Variants in SIGLEC10 observed in about 807,000 individuals in gnomAD.
The protein encoded by SIGLEC10 is sialic acid binding Ig like lectin 10.
In SIGLEC10, 45 loss-of-function variants were observed where a neutral mutation model predicts 68.3. The ratio of observed to expected loss-of-function variants is 0.66; its 90% CI spans 0.52 to 0.84. The LOEUF is 0.84. Among genes scored for constraint, SIGLEC10 ranks in the 40% least tolerant of loss-of-function variants. The pLI, the probability that SIGLEC10 is intolerant of heterozygous loss-of-function variation, is 0.00. For synonymous variants in SIGLEC10, 379 were observed against 370.8 expected (o/e 1.02, Z -0.26); for missense variants, 789 against 883.1 (o/e 0.89, Z 1.35).
rs1261969859 is a variant in SIGLEC10, at chr19:51,410,055, A to G, written c.*1044T>C. 1.3e-5 allele frequency: 2 copies of G among 152,194 alleles called. No homozygotes were observed. The highest frequency in any genetic ancestry group is 2.9e-5 in the Non-Finnish European group (2 of 68,038). The allele number at this position is 152,194 out of a possible 1,614,324, so 9.4% of individuals were successfully genotyped here. A position where few individuals can be genotyped will look rare whatever the true frequency, so the allele number is the denominator to read the frequency against. Reference sequence around the variant, plus strand: ...AGCAAGTTTATTAAGAAAGTAAAGGAACAAAAGAATGGCTACTCCATAGAC... The same window carrying G: ...AGCAAGTTTATTAAGAAAGTAAAGGGACAAAAGAATGGCTACTCCATAGAC... On this transcript the variant is annotated 3_prime_UTR_variant, in exon 11 of 11. Coordinates refer to ENST00000339313, the MANE Select transcript of SIGLEC10 (RefSeq NM_033130.5).
intron 5 of SIGLEC10, 33 bp downstream of exon 5, chr19:51,415,865 A>C (rs1234937988): frequency 6.2e-7 from 1 of 1,611,592 alleles, no homozygotes; most frequent in Non-Finnish European, 8.5e-7. Context: ...CTGCCCTCCC[A>C]ATGGACTCCA....
chr19:51,414,249 A>G lies in SIGLEC10; in HGVS notation c.1709+173T>C. The G allele has an allele frequency of 1.6e-6, 1 of 625,660 alleles. No individual in the cohort carries two copies. Among genetic ancestry groups the G allele is most frequent in the Non-Finnish European group, 2.8e-6 (1 of 356,108 alleles). The allele number at this position is 625,660 out of a possible 1,614,324, so 38.8% of individuals were successfully genotyped here. A position where few individuals can be genotyped will look rare whatever the true frequency, so the allele number is the denominator to read the frequency against. On this transcript the variant is annotated intron_variant, in intron 9 of 10. Transcript: ENST00000339313. The surrounding 1 kb of genome is among the most constrained non-coding windows in gnomAD (Gnocchi z 4.1). ...CCTCAGCATTCCCTCTGGGAAGCAG[A>G]CGCAGTTTGTCAGTTGGACAACATT...
rs1326161830 is a variant in SIGLEC10 at position 51,416,058 on chromosome 19, C to T, written c.864G>A (p.Trp288Ter). 4 of 1,612,794 alleles carry T rather than the reference C, an allele frequency of 2.5e-6. No homozygotes were observed. Among genetic ancestry groups the T allele is most frequent in the Non-Finnish European group, 3.4e-6 (4 of 1,179,802 alleles). Residue 288 changes from tryptophan to a stop codon, truncating the protein, a stop_gained, in exon 5 of 11, where the codon TGG becomes TGA. Transcript: ENST00000339313. LOFTEE classifies it high-confidence loss of function. The stretch of plus-strand genomic sequence containing the variant: ...AGGAGAGGACTCTGTTCTGCAGGAC[C>T]CAGCTCAGTGTGGCAGGGGGCTGGC... ...ADSQPPATLS[W>*]VLQNRVLSSS...
intron 10 of SIGLEC10, among the ~76,000 whole-genome samples, chr19:51,412,775 C>A (rs1418922835): frequency 2.8e-5 from 4 of 141,226 alleles, no homozygotes; most frequent in African/African-American, 1.0e-4. Context: ...CAGGCGTGGC[C>A]TTTTTTTTTT....
chr19:51,417,632 G>T lies in SIGLEC10; in HGVS notation c.-51C>A, dbSNP rs772223489. ...CCTGAGACAGGCCTGTTCTCTGGTC[G>T]TGCTGTGAGTGGCTCAGGGCTCTTG... is the stretch of plus-strand genomic sequence containing the variant. On this transcript the variant is annotated 5_prime_UTR_variant, in exon 1 of 11. Coordinates refer to ENST00000339313, the MANE Select transcript of SIGLEC10 (RefSeq NM_033130.5). The T allele has an allele frequency of 7.5e-6, 12 of 1,610,486 alleles. No individual in the cohort carries two copies. Among genetic ancestry groups the T allele is most frequent in the Non-Finnish European group, 1.0e-5 (12 of 1,178,232 alleles).
In SIGLEC10 at chr19:51,416,058, C is replaced by G; in HGVS notation, c.864G>C (p.Trp288Cys). 2 of 1,612,794 alleles carry G rather than the reference C, an allele frequency of 1.2e-6. No individual in the cohort carries two copies. The highest frequency in any genetic ancestry group is 3.3e-5 in the Admixed American group (2 of 59,938). ...AGGAGAGGACTCTGTTCTGCAGGAC[C>G]CAGCTCAGTGTGGCAGGGGGCTGGC... ...ADSQPPATLS[W>C]VLQNRVLSSS... is the part of the protein sequence containing the mutation. Residue 288 changes from tryptophan (W) to cysteine (C), a missense_variant, in exon 5 of 11, where the codon TGG becomes TGC. Physicochemically the swap from Trp to Cys is radical, Grantham distance 215. Coordinates refer to ENST00000339313, the MANE Select transcript of SIGLEC10 (RefSeq NM_033130.5).
intron 6 of SIGLEC10, 24 bp from the exon 7 acceptor site, chr19:51,415,462 G>A (rs759737203): frequency 3.7e-5 from 60 of 1,609,904 alleles, no homozygotes; most frequent in Middle Eastern, 1.7e-4. Context: ...AGGCAGAATC[G>A]ATGAGCAGCT....
chr19:51,411,377 G>A lies in SIGLEC10; in HGVS notation c.1822-6C>T. On this transcript the variant is annotated splice_region_variant and splice_polypyrimidine_tract_variant and intron_variant, in intron 10 of 10. Transcript: ENST00000339313. ...TTCTGATTCCGCTTCTGAGCCTGAG[G>A]GAAGAACCACCATCCTTCATTCATT... 8 of 1,613,128 alleles carry A rather than the reference G, an allele frequency of 5.0e-6. No individual in the cohort carries two copies. The highest frequency in any genetic ancestry group is 3.3e-4 in the Middle Eastern group (2 of 6,046).
At position 51,410,787 on chromosome 19, in the gene SIGLEC10, T is replaced by C. The variant is rs887407154; in HGVS notation, c.*312A>G. ...CCTCAGCTTCCCAAGTAGGTAGGATTACAGGCGCCTGCCACCATGCCCAGC... is the reference window on the plus strand; with the variant it reads ...CCTCAGCTTCCCAAGTAGGTAGGATCACAGGCGCCTGCCACCATGCCCAGC... On this transcript the variant is annotated 3_prime_UTR_variant, in exon 11 of 11. Coordinates refer to ENST00000339313, the MANE Select transcript of SIGLEC10 (RefSeq NM_033130.5). The C allele has an allele frequency of 8.8e-6, 2 of 228,306 alleles. No homozygotes were observed. The highest frequency in any genetic ancestry group is 8.7e-6 in the Non-Finnish European group (1 of 114,294). 14.1% of individuals were successfully genotyped at this position (228,306 alleles called of 1,614,324 possible).
At position 51,416,009 on chromosome 19, in the gene SIGLEC10, G is replaced by A; in HGVS notation, c.913C>T (p.Pro305Ser). Residue 305 changes from proline (P) to serine (S), a missense_variant, in exon 5 of 11, where the codon CCC becomes TCC. Coordinates refer to ENST00000339313, the MANE Select transcript of SIGLEC10 (RefSeq NM_033130.5). ...ACCCCGGGCAGCTCCAGCCCCAGGG[G>A]TCTAGGGCCCCAGGGATGGGACGAG... is the stretch of plus-strand genomic sequence containing the variant. ...LSSSHPWGPR[P>S]LGLELPGVKA... The A allele has an allele frequency of 6.3e-7, 1 of 1,579,874 alleles. No individual in the cohort carries two copies. The highest frequency in any genetic ancestry group is 8.7e-7 in the Non-Finnish European group (1 of 1,156,064).
At chr19:51,416,244 C>T in intron 4 of SIGLEC10, 66 bp downstream of exon 4, 10 of 1,612,994 alleles carry the variant, frequency 6.2e-6, no homozygotes, top group Non-Finnish European at 8.5e-6. Context: ...AGCACATCCC[C>T]TCATCCCCTG....
In SIGLEC10 at chr19:51,417,215, G is replaced by C; in HGVS notation, c.288C>G (p.Pro96=). Residue 96 remains proline (P), a synonymous_variant, in exon 2 of 11, where the codon CCC becomes CCG. Transcript: ENST00000339313. ...TRGRFQLTGD[P]AKGNCSLVIR... The stretch of plus-strand genomic sequence containing the variant: ...TCACCAAGGAGCAGTTCCCCTTGGC[G>C]GGATCCCCAGTGAGCTGGAATCGGC... 1 of 1,614,224 alleles carries C rather than the reference G, an allele frequency of 6.2e-7. No homozygotes were observed. Among genetic ancestry groups the C allele is most frequent in the Non-Finnish European group, 8.5e-7 (1 of 1,180,042 alleles).
rs763914090 is a variant in SIGLEC10 at position 51,415,111 on chromosome 19, G to T, written c.1331-3C>A. 1.1e-5 allele frequency: 17 copies of T among 1,571,044 alleles called. No homozygotes were observed. In the South Asian group the frequency reaches 1.8e-4, roughly 16 times the overall value. Reference sequence around the variant, plus strand: ...GGGGCCCAGCAGCTTCGGGGAGTCTGAGGGGAGGGAGGACAGGACTCAGCA... The same window carrying T: ...GGGGCCCAGCAGCTTCGGGGAGTCTTAGGGGAGGGAGGACAGGACTCAGCA... On this transcript the variant is annotated splice_polypyrimidine_tract_variant and splice_region_variant and intron_variant, in intron 7 of 10. Transcript: ENST00000339313.
intron 10 of SIGLEC10, among the ~76,000 whole-genome samples, chr19:51,412,941 A>AT (rs989860028): frequency 5.9e-5 from 9 of 151,560 alleles, no homozygotes; most frequent in East Asian, 1.9e-4. Flanking sequence ...CTAATTTTTT[A>AT]TTTTTTTTGT....
At chr19:51,415,130 C>T (rs749954286) in intron 7 of SIGLEC10, 22 bp from the exon 8 acceptor site, 2 of 1,576,428 alleles carry the variant, frequency 1.3e-6, no homozygotes, top group Non-Finnish European at 1.7e-6. Flanking sequence ...GAGGACAGGA[C>T]TCAGCAGGGT....
chr19:51,417,500 G>C (rs1390008378), intron 1 of SIGLEC10, 35 bp from the exon 2 acceptor site: 6 of 1,614,068 alleles, frequency 3.7e-6, no homozygotes, highest in Non-Finnish European at 5.1e-6. Context: ...TGCAACCCCA[G>C]CCCTAGCTCC....
chr19:51,415,949 C>G lies in SIGLEC10; in HGVS notation c.973G>C (p.Ala325Pro). Reference sequence around the variant, plus strand: ...TGCTGGGAGCCAAGCCTGTTCTCCGCTCGGCAGGTGTAGCGCCCTGAATCC... The same window carrying G: ...TGCTGGGAGCCAAGCCTGTTCTCCGGTCGGCAGGTGTAGCGCCCTGAATCC... ...AGDSGRYTCR[A>P]ENRLGSQQRA... The change falls in exon 5 of 11, where the codon GCG (alanine) becomes CCG (proline). Residue 325 changes from alanine (A) to proline (P), a missense_variant. Physicochemically the swap from Ala to Pro is conservative, Grantham distance 27. Transcript: ENST00000339313. 1 of 1,613,636 alleles carries G rather than the reference C, an allele frequency of 6.2e-7. No homozygotes were observed. The highest frequency in any genetic ancestry group is 8.5e-7 in the Non-Finnish European group (1 of 1,180,018).
chr19:51,413,658 T>C, intron 10 of SIGLEC10, 54 bp downstream of exon 10: 1 of 1,496,726 alleles, frequency 6.7e-7, no homozygotes, highest in East Asian at 2.3e-5. Flanking sequence ...AGTCAGAAAG[T>C]GGGATGTCAG....
Position 51,410,992 on chromosome 19 carries a change from A to G in SIGLEC10, c.*107T>C, listed in dbSNP as rs200763928. 0.067 allele frequency: 68,743 copies of G among 1,026,420 alleles called. 2,192 individuals carry two copies. The highest frequency in any genetic ancestry group is 0.27 in the African/African-American group (14,553 of 54,838). The allele number at this position is 1,026,420 out of a possible 1,614,324, so 63.6% of individuals were successfully genotyped here. ...AGAGAGAAAGAGAGAGAGAGAGAGA[A>G]AGAGAGAGAGAGAGGGAGAGAAGGA... On this transcript the variant is annotated 3_prime_UTR_variant, in exon 11 of 11. Coordinates refer to ENST00000339313, the MANE Select transcript of SIGLEC10 (RefSeq NM_033130.5).
Sources: allele counts gnomAD v4.1 joint callset (sites outside exome capture counted in the v4.1 genomes callset), GRCh38; gene constraint gnomAD v4.1.1; non-coding constraint Gnocchi (gnomAD v3.1); transcripts MANE v1.5; gene names NCBI Gene and HGNC (gene_info 2026-07-23, HGNC 2026-07-21).